Variants in SPTAN1 observed in about 807,000 individuals in gnomAD.
SPTAN1 encodes the protein spectrin alpha, non-erythrocytic 1.
Under a neutral mutation model 331.3 loss-of-function variants are expected in SPTAN1, and 61 were observed. That is an observed-to-expected ratio of 0.18 (90% CI 0.15 to 0.23). SPTAN1 has a LOEUF of 0.23. SPTAN1 is among the 10% of genes least tolerant of loss of function. The probability of loss-of-function intolerance (pLI) is 1.00; values close to 1 mark genes in which losing one functional copy is unlikely to be tolerated. For missense variants in SPTAN1, 2,043 were observed against 3,147.9 expected, an observed-to-expected ratio of 0.65 and a Z score of 8.40; for synonymous variants, 1,153 against 1,173.9, an observed-to-expected ratio of 0.98 and a Z score of 0.36.
chr9:128,581,734 A>T (rs185852502), intron 11 of SPTAN1, 48 bp from the exon 12 acceptor site: 1 of 1,467,356 alleles, frequency 6.8e-7, no homozygotes, highest in Non-Finnish European at 9.6e-7. Flanking sequence ...GTCTTAGAAG[A>T]TCAAAGGAAT....
chr9:128,559,221 G>A lies in SPTAN1; in HGVS notation c.-4+6525G>A, dbSNP rs76672103. Among the ~76,000 whole-genome samples, 25 of 152,256 alleles carry A rather than the reference G, an allele frequency of 1.6e-4. No homozygotes were observed. In the East Asian group the frequency reaches 4.3e-3, roughly 26 times the overall value. ...AAAGCACTTGGTATAGAATTGACTC[G>A]TTCTACTTCACTGGGGTGACAAAGA... On this transcript the variant is annotated intron_variant, in intron 1 of 56. Transcript: ENST00000372739.
chr9:128,599,685 TAAAAA>T lies in SPTAN1; in HGVS notation c.3544-378_3544-374del, dbSNP rs5900811. 70 of 124,272 alleles carry T rather than the reference TAAAAA, an allele frequency of 5.6e-4. No homozygotes were observed. In the South Asian group the frequency reaches 6.0e-3, roughly 11 times the overall value. The allele number at this position is 124,272 out of a possible 1,614,324, so 7.7% of individuals were successfully genotyped here. A position where few individuals can be genotyped will look rare whatever the true frequency, so the allele number is the denominator to read the frequency against. On this transcript the variant is annotated intron_variant, in intron 26 of 56. Transcript: ENST00000372739. ...AGGCATGCAACACAAAGCACAGCTC[TAAAAA>T]AAAAAAAAAAAAAAAAGTCTTCTGT...
chr9:128,609,723 T>A (rs1856358341), intron 37 of SPTAN1, 58 bp downstream of exon 37: 1 of 1,159,816 alleles, frequency 8.6e-7, no homozygotes, highest in African/African-American at 1.6e-5. Context: ...TTTGTGTTAC[T>A]CTGCGTAGAT....
intron 34 of SPTAN1, among the ~76,000 whole-genome samples, chr9:128,608,615 TG>T (rs1856203778): frequency 6.6e-6 from 1 of 152,200 alleles, no homozygotes; most frequent in African/African-American, 2.4e-5. Context: ...GGCTTAATTT[TG>T]TTCTGTTCTG....
In SPTAN1 at chr9:128,617,983, T is replaced by G. The variant is rs753436491; in HGVS notation, c.5479-4T>G. The G allele has an allele frequency of 9.9e-6, 16 of 1,614,036 alleles. No individual in the cohort carries two copies. In the South Asian group the frequency reaches 1.5e-4, roughly 16 times the overall value. On this transcript the variant is annotated splice_polypyrimidine_tract_variant and splice_region_variant and intron_variant, in intron 42 of 56. Coordinates refer to ENST00000372739, the MANE Select transcript of SPTAN1 (RefSeq NM_001130438.3). ...CTGTTAACCTCCTCGTCCTTGCCTG[T>G]CAGGGTGTCCTGGACACTGGCAAGA...
chr9:128,628,988 C>G (rs527638561), intron 51 of SPTAN1: 1 of 394,026 alleles, frequency 2.5e-6, no homozygotes, highest in African/African-American at 2.1e-5. Context: ...ACTGGGCCTG[C>G]TGCCTCCAGG....
At chr9:128,595,431 C>T (rs1564253254) in intron 24 of SPTAN1, among the ~76,000 whole-genome samples, 1 of 152,122 alleles carries the variant, frequency 6.6e-6, no homozygotes, top group African/African-American at 2.4e-5. Context: ...TTTTAAAAGA[C>T]TTTAATTGAA....
At position 128,582,566 on chromosome 9, in the gene SPTAN1, TAGG is replaced by T. The variant is rs1258856938; in HGVS notation, c.1650+11_1650+13del. The T allele has an allele frequency of 3.1e-6, 5 of 1,613,566 alleles. No homozygotes were observed. The South Asian group carries it at 5.5e-5, about 18-fold the overall frequency. On this transcript the variant is annotated intron_variant, in intron 13 of 56. Transcript: ENST00000372739. ...CACTCGCCGAGATGCTGTAAGTTTG[TAGG>T]TTCTTCATGCTCCTCCTTTTTGGTA...
chr9:128,608,915 C>A lies in SPTAN1; in HGVS notation c.4533C>A (p.Leu1511=). Residue 1511 remains leucine (L), a synonymous_variant, in exon 35 of 57, where the codon CTC becomes CTA. Coordinates refer to ENST00000372739, the MANE Select transcript of SPTAN1 (RefSeq NM_001130438.3). The stretch of plus-strand genomic sequence containing the variant: ...CTCTGCAGGCCTTTGCCGACCAGCT[C>A]ATCGCTGCCGGCCATTATGCCAAGG... The part of the protein sequence containing the change: ...IAALQAFADQ[L]IAAGHYAKGD... 1.2e-6 allele frequency: 2 copies of A among 1,614,222 alleles called. No homozygotes were observed. The highest frequency in any genetic ancestry group is 2.7e-5 in the African/African-American group (2 of 75,064).
intron 31 of SPTAN1, 143 bp from the exon 32 acceptor site, chr9:128,607,461 C>T: frequency 2.7e-6 from 2 of 749,380 alleles, no homozygotes; most frequent in Non-Finnish European, 4.6e-6. Context: ...ACACTTTGCC[C>T]AAAGACCTAG....
intron 37 of SPTAN1, 66 bp from the exon 38 acceptor site, chr9:128,611,648 C>T (rs765876891): frequency 7.5e-5 from 120 of 1,597,844 alleles, no homozygotes; most frequent in Admixed American, 3.5e-4. Flanking sequence ...TCTGAGAACC[C>T]CTTCCCCCTG....
chr9:128,581,284 A>G (rs1481906217), intron 11 of SPTAN1, among the ~76,000 whole-genome samples: 1 of 152,154 alleles, frequency 6.6e-6, no homozygotes, highest in African/African-American at 2.4e-5. Flanking sequence ...AGTGTGATGT[A>G]AAATGTTTTA....
In SPTAN1 at chr9:128,582,372, G is replaced by C. The variant is rs1852050683; in HGVS notation, c.1573-107G>C. ...CCTTTGGGTGAAAACCTTGACCTAT[G>C]TTAAAGTTTGGTGTGTTTTATGATC... is the stretch of plus-strand genomic sequence containing the variant. On this transcript the variant is annotated intron_variant, in intron 12 of 56. Coordinates refer to ENST00000372739, the MANE Select transcript of SPTAN1 (RefSeq NM_001130438.3). 8 of 985,234 alleles carry C rather than the reference G, an allele frequency of 8.1e-6. No homozygotes were observed. The East Asian group carries it at 2.0e-4, about 25-fold the overall frequency. The allele number at this position is 985,234 out of a possible 1,614,324, so 61.0% of individuals were successfully genotyped here.
rs756311537 is a variant in SPTAN1 at position 128,581,767 on chromosome 9, G to C, written c.1462-15G>C. 1.3e-6 allele frequency: 2 copies of C among 1,597,248 alleles called. No individual in the cohort carries two copies. Reference sequence around the variant, plus strand: ...AATAGGACATTATTCTGAACACTTTGTTTCCTTTGGCAAGGCGTTCCTGTT... The same window carrying C: ...AATAGGACATTATTCTGAACACTTTCTTTCCTTTGGCAAGGCGTTCCTGTT... On this transcript the variant is annotated splice_polypyrimidine_tract_variant and intron_variant, in intron 11 of 56. Transcript: ENST00000372739.
chr9:128,558,908 C>A (rs1848967609), intron 1 of SPTAN1, among the ~76,000 whole-genome samples: 1 of 152,112 alleles, frequency 6.6e-6, no homozygotes. Context: ...ATGTAGTCTG[C>A]AGAAATGACC....
chr9:128,585,884 T>C lies in SPTAN1; in HGVS notation c.2697T>C (p.Ala899=). Residue 899 remains alanine (A), a synonymous_variant, in exon 19 of 57, where the codon GCT becomes GCC. Coordinates refer to ENST00000372739, the MANE Select transcript of SPTAN1 (RefSeq NM_001130438.3). ...SLQAQQYFAD[A]NEAESWMREK... ...AGGCCCAGCAGTACTTTGCTGATGC[T>C]AACGAGGCTGAATCCTGGATGCGGG... The C allele has an allele frequency of 6.2e-7, 1 of 1,614,022 alleles. No homozygotes were observed. The highest frequency in any genetic ancestry group is 1.1e-5 in the South Asian group (1 of 91,074).
chr9:128,602,008 A>G (rs186965508), intron 27 of SPTAN1, among the ~76,000 whole-genome samples: 1 of 152,144 alleles, frequency 6.6e-6, no homozygotes, highest in African/African-American at 2.4e-5. Flanking sequence ...CCCTCAACAG[A>G]ATGTTTCTGA....
In SPTAN1 at chr9:128,629,411, G is replaced by A. The variant is rs1372426859; in HGVS notation, c.6708-910G>A. Among the ~76,000 whole-genome samples, 3 of 152,014 alleles carry A rather than the reference G, an allele frequency of 2.0e-5. No individual in the cohort carries two copies. Among genetic ancestry groups the A allele is most frequent in the Admixed American group, 6.5e-5 (1 of 15,276 alleles). The stretch of plus-strand genomic sequence containing the variant: ...GTGAGTCTGACCTGCTGGGGTAGGA[G>A]GAAGCCTGGTGCCTTGCCTTGCTAG... On this transcript the variant is annotated intron_variant, in intron 51 of 56. Transcript: ENST00000372739. The surrounding 1 kb of genome is among the most constrained non-coding windows in gnomAD (Gnocchi z 4.9).
Position 128,605,048 on chromosome 9 carries a change from C to T in SPTAN1, c.3734C>T (p.Thr1245Ile), listed in dbSNP as rs1855648840. ...CTCGCCTTTAGAGATGCTGATGAAA[C>T]CAAAGAATGGATTGAAGAGAAGAAT... ...VQRFHRDADETKEWIEEKNQA... is the reference protein window; with the variant it reads ...VQRFHRDADEIKEWIEEKNQA... Residue 1245 changes from threonine to isoleucine, a missense_variant, in exon 30 of 57, where the codon ACC becomes ATC. Thr to Ile is a moderately conservative substitution (Grantham distance 89). Coordinates refer to ENST00000372739, the MANE Select transcript of SPTAN1 (RefSeq NM_001130438.3). The T allele has an allele frequency of 1.2e-6, 2 of 1,613,976 alleles. No individual in the cohort carries two copies. Among genetic ancestry groups the T allele is most frequent in the Non-Finnish European group, 8.5e-7 (1 of 1,179,996 alleles).
Sources: allele counts gnomAD v4.1 joint callset (sites outside exome capture counted in the v4.1 genomes callset), GRCh38; gene constraint gnomAD v4.1.1; non-coding constraint Gnocchi (gnomAD v3.1); transcripts MANE v1.5; gene names NCBI Gene and HGNC (gene_info 2026-07-23, HGNC 2026-07-21).